Variants in DOCK2 observed in about 807,000 individuals in gnomAD.
DOCK2 encodes dedicator of cytokinesis protein 2.
A neutral mutation model predicts 248.9 loss-of-function variants in DOCK2; 87 were observed. The observed-to-expected ratio is 0.35, with a 90% CI of 0.29 to 0.42. The LOEUF is 0.42. DOCK2 is among the 10% of genes least tolerant of loss of function. The pLI, the probability that DOCK2 is intolerant of heterozygous loss-of-function variation, is 1.00. For synonymous variants in DOCK2, 805 were observed against 821.6 expected, an observed-to-expected ratio of 0.98 and a Z score of 0.35; for missense variants, 1,747 against 2,300.2, an observed-to-expected ratio of 0.76 and a Z score of 4.92.
intron 11 of DOCK2, 81 bp from the exon 12 acceptor site, chr5:169,699,301 G>T: frequency 7.1e-7 from 1 of 1,401,800 alleles, no homozygotes. Flanking sequence ...GGCGTGTGGA[G>T]GGGCTGGGGA....
At chr5:169,855,423 G>A (rs1224005131) in intron 27 of DOCK2, among the ~76,000 whole-genome samples, 1 of 152,190 alleles carries the variant, frequency 6.6e-6, no homozygotes, top group Non-Finnish European at 1.5e-5. Context: ...GATGGGGTTG[G>A]GGGAAGTAGA....
chr5:169,866,860 C>A (rs1411774176), intron 27 of DOCK2, among the ~76,000 whole-genome samples: 1 of 152,164 alleles, frequency 6.6e-6, no homozygotes, highest in Non-Finnish European at 1.5e-5. Context: ...GAGTTTCTCC[C>A]CACTACCAAG....
At chr5:170,005,757 A>G (rs1755012418) in intron 30 of DOCK2, among the ~76,000 whole-genome samples, 1 of 152,242 alleles carries the variant, frequency 6.6e-6, no homozygotes, top group African/African-American at 2.4e-5. Context: ...TTTAAAAAAA[A>G]GAAAATCAGG....
Position 170,082,714 on chromosome 5 carries a change from G to T in DOCK2, c.5431-82G>T, listed in dbSNP as rs1383656429. 8.3e-6 allele frequency: 13 copies of T among 1,559,440 alleles called. No individual in the cohort carries two copies. The East Asian group carries it at 3.0e-4, about 36-fold the overall frequency. On this transcript the variant is annotated intron_variant, in intron 51 of 51. Transcript: ENST00000520908. ...GGCAGGGGTCAGTGTTGAGGCCCTT[G>T]TGATTAGGACTGGGAAGCTCCATTT...
Position 170,019,057 on chromosome 5 carries a change from C to A in DOCK2, c.3330C>A (p.Ile1110=). Residue 1110 remains isoleucine (I), a synonymous_variant, in exon 33 of 52, where the codon ATC becomes ATA. Transcript: ENST00000520908. Reference sequence around the variant, plus strand: ...AGCTCCGGAAAGCCACCATACCAATCTTCTTCGACATGATGCTGTGTGAAT... The same window carrying A: ...AGCTCCGGAAAGCCACCATACCAATATTCTTCGACATGATGCTGTGTGAAT... The part of the protein sequence containing the change: ...EAELRKATIP[I]FFDMMLCEYQ... 6.2e-7 allele frequency: 1 copy of A among 1,614,124 alleles called. No individual in the cohort carries two copies. Among genetic ancestry groups the A allele is most frequent in the Non-Finnish European group, 8.5e-7 (1 of 1,179,982 alleles).
intron 25 of DOCK2, among the ~76,000 whole-genome samples, chr5:169,776,364 T>C (rs1364538147): frequency 6.6e-6 from 1 of 151,944 alleles, no homozygotes; most frequent in East Asian, 1.9e-4. Flanking sequence ...AGGGTCTCAC[T>C]ACATTGCCCA....
At chr5:169,889,278 A>G (rs899682501) in intron 27 of DOCK2, among the ~76,000 whole-genome samples, 1 of 152,230 alleles carries the variant, frequency 6.6e-6, no homozygotes, top group Non-Finnish European at 1.5e-5. Flanking sequence ...ATTTATTATC[A>G]GTAGGTCTCA....
intron 27 of DOCK2, among the ~76,000 whole-genome samples, chr5:169,959,001 T>C (rs1365204395): frequency 5.9e-5 from 9 of 152,224 alleles, no homozygotes; most frequent in Admixed American, 5.9e-4. Flanking sequence ...AGTAAACTAC[T>C]AACTTATAAA....
At chr5:169,780,254 T>C (rs1271110717) in intron 25 of DOCK2, among the ~76,000 whole-genome samples, 1 of 151,894 alleles carries the variant, frequency 6.6e-6, no homozygotes, top group Non-Finnish European at 1.5e-5. Context: ...GAGTCAGCTC[T>C]GGTTAGATTT....
In DOCK2 at chr5:169,702,439, A is replaced by C. The variant is rs182075506; in HGVS notation, c.1383+12A>C. On this transcript the variant is annotated intron_variant, in intron 14 of 51. Transcript: ENST00000520908. Reference sequence around the variant, plus strand: ...GCAAAACGCTGCCTGTAAGGGACTCACTGCTGCTCTGGGTGACAGGGTCCG... The same window carrying C: ...GCAAAACGCTGCCTGTAAGGGACTCCCTGCTGCTCTGGGTGACAGGGTCCG... 1 of 1,613,258 alleles carries C rather than the reference A, an allele frequency of 6.2e-7. No homozygotes were observed. The highest frequency in any genetic ancestry group is 2.2e-5 in the East Asian group (1 of 44,798).
intron 44 of DOCK2, among the ~76,000 whole-genome samples, chr5:170,060,203 T>C (rs1361409201): frequency 6.6e-6 from 1 of 152,200 alleles, no homozygotes; most frequent in Non-Finnish European, 1.5e-5. Flanking sequence ...CAAGGAGCCC[T>C]GATCTAGGGG....
intron 27 of DOCK2, among the ~76,000 whole-genome samples, chr5:169,848,683 C>A (rs1770460127): frequency 6.6e-6 from 1 of 152,122 alleles, no homozygotes; most frequent in Non-Finnish European, 1.5e-5. Context: ...TTAAAATAAG[C>A]CTCTGGGTGA....
chr5:169,852,275 G>T (rs1277983048), intron 27 of DOCK2, among the ~76,000 whole-genome samples: 1 of 152,190 alleles, frequency 6.6e-6, no homozygotes, highest in Non-Finnish European at 1.5e-5. Flanking sequence ...TGTTCTTAAA[G>T]GTAAGACTCC....
intron 27 of DOCK2, among the ~76,000 whole-genome samples, chr5:169,878,613 T>G (rs1772462622): frequency 6.6e-6 from 1 of 152,256 alleles, no homozygotes; most frequent in Non-Finnish European, 1.5e-5. Context: ...AACTCAGATT[T>G]TCCCCTCTAG....
intron 2 of DOCK2, among the ~76,000 whole-genome samples, chr5:169,662,824 G>A (rs1758519234): frequency 6.6e-6 from 1 of 152,112 alleles, no homozygotes; most frequent in Admixed American, 6.5e-5. Context: ...GATGTGGGTG[G>A]GGACACAGAG....
intron 13 of DOCK2, among the ~76,000 whole-genome samples, chr5:169,700,349 T>C (rs1760893703): frequency 6.6e-6 from 1 of 152,108 alleles, no homozygotes; most frequent in Non-Finnish European, 1.5e-5. Flanking sequence ...TATAAACACA[T>C]ACCCCTTCTC....
At chr5:169,747,260 A>C in intron 22 of DOCK2, 136 bp from the exon 23 acceptor site, 2 of 683,620 alleles carry the variant, frequency 2.9e-6, no homozygotes, top group South Asian at 4.2e-5. Context: ...CAGCATCTGC[A>C]GAATCCTCTC....
intron 42 of DOCK2, 124 bp downstream of exon 42, chr5:170,055,510 TC>T: frequency 1.2e-6 from 1 of 813,724 alleles, no homozygotes. Context: ...AGCCAGTTTT[TC>T]CCCCCTTTTC....
chr5:169,967,756 A>G lies in DOCK2; in HGVS notation c.2800-15312A>G, dbSNP rs144343098. Among the ~76,000 whole-genome samples, 218 of 152,304 alleles carry G rather than the reference A, an allele frequency of 1.4e-3. 1 individual carries two copies. Among genetic ancestry groups the G allele is most frequent in the Middle Eastern group, 6.8e-3 (2 of 294 alleles). On this transcript the variant is annotated intron_variant, in intron 27 of 51. Coordinates refer to ENST00000520908, the MANE Select transcript of DOCK2 (RefSeq NM_004946.3). ...TACTGCAATAATCCAGGTACTGATG[A>G]TGGTAGCGTCAATCAGTGCAGTAAG... is the stretch of plus-strand genomic sequence containing the variant.
Sources: gnomAD v4.1 joint callset for allele counts (sites outside exome capture counted in the v4.1 genomes callset) on GRCh38, gnomAD v4.1.1 for gene constraint, MANE v1.5 for transcripts, NCBI Gene and HGNC (gene_info 2026-07-23, HGNC 2026-07-21) for gene names.